COL9A1: variants seen among roughly 807,000 people sequenced by gnomAD.
COL9A1 encodes collagen type IX alpha 1 chain, also known as collagen alpha-1(IX) chain.
COL9A1 carries 104 observed loss-of-function variants against 142.6 expected under a neutral mutation model. The observed-to-expected ratio is 0.73, with a 90% CI of 0.62 to 0.86. COL9A1 has a LOEUF of 0.86. COL9A1 is among the 40% of genes least tolerant of loss of function. The pLI is 0.00. For missense variants in COL9A1, 1,210 were observed against 1,176.6 expected (o/e 1.03, Z -0.42); for synonymous variants, 466 against 396.0 (o/e 1.18, Z -2.10).
At chr6:70,224,222 G>A (rs946278975) in intron 37 of COL9A1, among the ~76,000 whole-genome samples, 3 of 152,178 alleles carry the variant, frequency 2.0e-5, no homozygotes, top group Non-Finnish European at 4.4e-5. Flanking sequence ...CTTACACGTG[G>A]ATGGTCTGAT....
chr6:70,234,454 G>T, intron 35 of COL9A1, 85 bp downstream of exon 35: 1 of 1,401,680 alleles, frequency 7.1e-7, no homozygotes, highest in Non-Finnish European at 1.0e-6. Flanking sequence ...AGTCACTCTT[G>T]TTTACCCTTG....
chr6:70,266,143 T>C (rs1311160142), intron 18 of COL9A1, among the ~76,000 whole-genome samples: 1 of 152,224 alleles, frequency 6.6e-6, no homozygotes, highest in East Asian at 1.9e-4. Flanking sequence ...CTGCAGGGCA[T>C]GCCAGCTGCA....
Position 70,274,129 on chromosome 6 carries a change from T to C in COL9A1, c.1030-47A>G, listed in dbSNP as rs146966541. 4.6e-3 allele frequency: 6,617 copies of C among 1,445,440 alleles called. 22 individuals are homozygous for C. Among genetic ancestry groups the C allele is most frequent in the Non-Finnish European group, 5.0e-3 (5,257 of 1,044,024 alleles). 89.5% of individuals were successfully genotyped at this position (1,445,440 alleles called of 1,614,324 possible). A position where few individuals can be genotyped will look rare whatever the true frequency, so the allele number is the denominator to read the frequency against. On this transcript the variant is annotated intron_variant, in intron 11 of 37. Coordinates refer to ENST00000357250, the MANE Select transcript of COL9A1 (RefSeq NM_001851.6). ...TTGTACTGACCTTTCATATCATGAATATGTAAATGTGAAAACTGCATAAAT... is the reference window on the plus strand; with the variant it reads ...TTGTACTGACCTTTCATATCATGAACATGTAAATGTGAAAACTGCATAAAT...
At chr6:70,281,239 C>T in intron 8 of COL9A1, 151 bp downstream of exon 8, 1 of 832,746 alleles carries the variant, frequency 1.2e-6, no homozygotes, top group Non-Finnish European at 1.9e-6. Flanking sequence ...CCCCAACTCT[C>T]GCCCATGTCT....
At chr6:70,255,274 T>A in intron 22 of COL9A1, 63 bp downstream of exon 22, 2 of 1,609,418 alleles carry the variant, frequency 1.2e-6, no homozygotes. Flanking sequence ...GTCAAAGAGA[T>A]CAGCATAATC....
At chr6:70,255,595 T>C (rs1771230260) in intron 21 of COL9A1, among the ~76,000 whole-genome samples, 1 of 152,198 alleles carries the variant, frequency 6.6e-6, no homozygotes, top group Non-Finnish European at 1.5e-5. Context: ...TAACTGACAC[T>C]TGATGGTCTT....
intron 32 of COL9A1, 73 bp from the exon 33 acceptor site, chr6:70,239,359 G>A: frequency 9.6e-7 from 1 of 1,037,120 alleles, no homozygotes; most frequent in Non-Finnish European, 1.5e-6. Context: ...CACTTTAAAA[G>A]TTATTGTGCT....
intron 28 of COL9A1, among the ~76,000 whole-genome samples, chr6:70,243,413 A>G (rs1285346555): frequency 6.6e-6 from 1 of 152,172 alleles, no homozygotes; most frequent in Non-Finnish European, 1.5e-5. Flanking sequence ...TCAAATTTTT[A>G]TTTGAAATGC....
intron 17 of COL9A1, among the ~76,000 whole-genome samples, chr6:70,268,241 G>T (rs1157558992): frequency 6.7e-6 from 1 of 149,024 alleles, no homozygotes; most frequent in African/African-American, 2.5e-5. Flanking sequence ...TTGAGACAAG[G>T]TCTCCCTCCA....
At chr6:70,219,108 C>G (rs1768714046) in intron 37 of COL9A1, among the ~76,000 whole-genome samples, 1 of 152,076 alleles carries the variant, frequency 6.6e-6, no homozygotes, top group Non-Finnish European at 1.5e-5. Flanking sequence ...CTGTTAAGAT[C>G]CTTAACACCA....
chr6:70,273,834 A>C (rs1344704257), intron 12 of COL9A1, among the ~76,000 whole-genome samples: 1 of 152,038 alleles, frequency 6.6e-6, no homozygotes, highest in Non-Finnish European at 1.5e-5. Flanking sequence ...CTTCTCTAAA[A>C]TTTTTCCACT....
At chr6:70,270,257 T>C in intron 15 of COL9A1, 57 bp downstream of exon 15, 1 of 1,551,718 alleles carries the variant, frequency 6.4e-7, no homozygotes, top group Non-Finnish European at 8.9e-7. Flanking sequence ...GATTCTTAGA[T>C]TTTTTTCAAC....
Position 70,302,001 on chromosome 6 carries a change from T to C in COL9A1, c.88A>G (p.Arg30Gly), listed in dbSNP as rs375052968. The C allele has an allele frequency of 8.7e-6, 14 of 1,609,254 alleles. No homozygotes were observed. In the East Asian group the frequency reaches 2.5e-4, roughly 28 times the overall value. ...AAAGTCTAGAAACTATGGCCCTTAC[T>C]GGGGCGACGCTTGACAGCTGCAGAT... ...WASAAVKRRP[R>G]FPVNSNSNGG... The change falls in exon 2 of 38, where the codon AGA becomes GGA. Residue 30 changes from arginine to glycine, a missense_variant and splice_region_variant. Transcript: ENST00000357250.
downstream of COL9A1, chr6:70,215,341 A>C (rs1250368177): frequency 1.3e-5 from 2 of 152,226 alleles, no homozygotes; most frequent in African/African-American, 4.8e-5. Context: ...ATTTAACCAA[A>C]CAACTAGGAC....
chr6:70,280,533 G>C (rs1377264867), intron 10 of COL9A1: 2 of 1,380,800 alleles, frequency 1.4e-6, no homozygotes, highest in Non-Finnish European at 1.9e-6. Context: ...CGTGCACTGT[G>C]AGGTCACGGT....
At chr6:70,234,242 G>A (rs1291921096) in intron 35 of COL9A1, among the ~76,000 whole-genome samples, 1 of 150,560 alleles carries the variant, frequency 6.6e-6, no homozygotes, top group Non-Finnish European at 1.5e-5. Context: ...AAAAGTGTGT[G>A]TGTGTGTGTG....
At chr6:70,226,050 T>G in intron 36 of COL9A1, 41 bp from the exon 37 acceptor site, 1 of 1,513,148 alleles carries the variant, frequency 6.6e-7, no homozygotes, top group Non-Finnish European at 9.2e-7. Context: ...TACATATCTA[T>G]AAAAATAAAC....
intron 2 of COL9A1, among the ~76,000 whole-genome samples, chr6:70,300,601 C>T (rs534245570): frequency 2.6e-5 from 4 of 152,158 alleles, no homozygotes; most frequent in African/African-American, 9.6e-5. Flanking sequence ...TTTGGCTTTA[C>T]CTCCATGCCT....
In COL9A1 at chr6:70,282,879, C is replaced by A. The variant is rs540401330; in HGVS notation, c.801+19G>T. On this transcript the variant is annotated intron_variant, in intron 7 of 37. Coordinates refer to ENST00000357250, the MANE Select transcript of COL9A1 (RefSeq NM_001851.6). ...CGTGTGCGCTTGAAAAATGCAAACACTCCCTGCCCCCAACTTACCTCGTCG... is the reference window on the plus strand; with the variant it reads ...CGTGTGCGCTTGAAAAATGCAAACAATCCCTGCCCCCAACTTACCTCGTCG... The A allele has an allele frequency of 3.8e-5, 62 of 1,614,218 alleles. No individual in the cohort carries two copies. Among genetic ancestry groups the A allele is most frequent in the Admixed American group, 2.3e-4 (14 of 60,032 alleles).
Sources: gnomAD v4.1 joint callset for allele counts (sites outside exome capture counted in the v4.1 genomes callset) on GRCh38, gnomAD v4.1.1 for gene constraint, MANE v1.5 for transcripts, NCBI Gene and HGNC (gene_info 2026-07-23, HGNC 2026-07-21) for gene names.